LAMA4: variants seen among roughly 807,000 people sequenced by gnomAD.
LAMA4 encodes the protein laminin subunit alpha 4.
Under a neutral mutation model 207.1 loss-of-function variants are expected in LAMA4, and 127 were observed. The observed-to-expected ratio is 0.61, with a 90% CI of 0.53 to 0.71. The LOEUF (loss-of-function observed/expected upper bound fraction) is 0.71. LAMA4 is among the 30% of genes least tolerant of loss of function. The probability of loss-of-function intolerance (pLI) is 0.00; values close to 1 mark genes in which losing one functional copy is unlikely to be tolerated. For synonymous variants in LAMA4, 761 were observed against 816.0 expected (o/e 0.93, Z 1.15); for missense variants, 2,093 against 2,246.5 (o/e 0.93, Z 1.38).
At chr6:112,162,716 G>A (rs782664250) in intron 13 of LAMA4, among the ~76,000 whole-genome samples, 7 of 152,084 alleles carry the variant, frequency 4.6e-5, no homozygotes, top group African/African-American at 7.2e-5. Flanking sequence ...TATTACAGTC[G>A]TACTGAGTTC....
chr6:112,252,336 C>T (rs1554190043), intron 2 of LAMA4, among the ~76,000 whole-genome samples: 1 of 152,154 alleles, frequency 6.6e-6, no homozygotes, highest in African/African-American at 2.4e-5. Context: ...ATTATTTCAC[C>T]AAACATATGA....
intron 2 of LAMA4, among the ~76,000 whole-genome samples, chr6:112,243,830 G>A (rs1340633073): frequency 6.6e-6 from 1 of 152,194 alleles, no homozygotes; most frequent in Non-Finnish European, 1.5e-5. Context: ...GGCCCAGGCA[G>A]GGGGATTGCC....
At chr6:112,209,823 G>T (rs948658485) in intron 3 of LAMA4, among the ~76,000 whole-genome samples, 1 of 152,226 alleles carries the variant, frequency 6.6e-6, no homozygotes, top group Non-Finnish European at 1.5e-5. Context: ...GAGGTGAATG[G>T]TTTGGCTCTG....
intron 2 of LAMA4, among the ~76,000 whole-genome samples, chr6:112,241,139 A>ATATATATATT (rs1554187574): frequency 2.3e-4 from 10 of 43,976 alleles, no homozygotes; most frequent in East Asian, 8.4e-4. Context: ...ATATATAGGA[A>ATATATATATT]TATATATATG....
intron 23 of LAMA4, 133 bp downstream of exon 23, chr6:112,139,618 AG>A (rs1562651075): frequency 2.8e-5 from 29 of 1,046,484 alleles, no homozygotes; most frequent in Non-Finnish European, 4.0e-5. Context: ...AGTTTTTTGC[AG>A]GTATGACTTA....
At chr6:112,249,331 T>C (rs1554189250) in intron 2 of LAMA4, among the ~76,000 whole-genome samples, 1 of 149,438 alleles carries the variant, frequency 6.7e-6, no homozygotes, top group Non-Finnish European at 1.5e-5. Flanking sequence ...TAATCCCAGC[T>C]ACTTGGGAGG....
intron 17 of LAMA4, 73 bp downstream of exon 17, chr6:112,150,438 A>G: frequency 1.1e-6 from 1 of 917,278 alleles, no homozygotes; most frequent in Non-Finnish European, 1.8e-6. Context: ...AGAATTACCT[A>G]ATCCTTCCTT....
chr6:112,153,995 C>T (rs1463061092), intron 16 of LAMA4, among the ~76,000 whole-genome samples: 5 of 152,054 alleles, frequency 3.3e-5, no homozygotes, highest in Admixed American at 6.6e-5. Context: ...TTAATTACTT[C>T]AACAAAATTG....
chr6:112,153,547 G>A (rs1393038577), intron 16 of LAMA4, among the ~76,000 whole-genome samples: 8 of 152,032 alleles, frequency 5.3e-5, no homozygotes, highest in Non-Finnish European at 8.8e-5. Flanking sequence ...TAGAAAAGTT[G>A]CTTTTATGAG....
chr6:112,234,182 C>T (rs1182146530), intron 2 of LAMA4: 3 of 151,650 alleles, frequency 2.0e-5, no homozygotes, highest in Admixed American at 2.0e-4. Flanking sequence ...TTCATTCTGC[C>T]GTTTGATGCA....
chr6:112,191,869 C>T lies in LAMA4; in HGVS notation c.504-19G>A, dbSNP rs375474420. ...AGCACATCTGAAGAGGAATATCACA[C>T]ATTTAAATATTTAGCATCATGGTTT... is the stretch of plus-strand genomic sequence containing the variant. On this transcript the variant is annotated intron_variant, in intron 5 of 38. Transcript: ENST00000230538. The T allele has an allele frequency of 1.9e-6, 3 of 1,544,278 alleles. No individual in the cohort carries two copies. In the African/African-American group the frequency reaches 4.1e-5, roughly 21 times the overall value.
At chr6:112,111,969 C>A (rs1320891283) in intron 38 of LAMA4, among the ~76,000 whole-genome samples, 1 of 151,964 alleles carries the variant, frequency 6.6e-6, no homozygotes, top group Non-Finnish European at 1.5e-5. Flanking sequence ...TAGTGAAGGA[C>A]AAATACTCCA....
intron 21 of LAMA4, 59 bp from the exon 22 acceptor site, chr6:112,140,981 A>T: frequency 6.8e-7 from 1 of 1,465,080 alleles, no homozygotes; most frequent in Non-Finnish European, 9.5e-7. Context: ...TACTTTTTAA[A>T]TGTCAAAATG....
intron 2 of LAMA4, among the ~76,000 whole-genome samples, chr6:112,241,272 A>G (rs1786493884): frequency 6.7e-6 from 1 of 149,244 alleles, no homozygotes; most frequent in Admixed American, 6.7e-5. Context: ...AATCTCAACG[A>G]CTGTTACTCC....
chr6:112,250,011 A>C (rs1787319841), intron 2 of LAMA4, among the ~76,000 whole-genome samples: 1 of 152,192 alleles, frequency 6.6e-6, no homozygotes, highest in Non-Finnish European at 1.5e-5. Flanking sequence ...CTGAGGGCAA[A>C]GATGAGACTA....
rs1554324989 is a variant in LAMA4, at chr6:112,118,808, A to G, written c.4821+348T>C. ...AACTTTTTTTTTCACTCAATAATGTATAATGCAATGATTTGCTTTCTTTTT... is the reference window on the plus strand; with the variant it reads ...AACTTTTTTTTTCACTCAATAATGTGTAATGCAATGATTTGCTTTCTTTTT... On this transcript the variant is annotated intron_variant, in intron 34 of 38. Transcript: ENST00000230538. The surrounding 1 kb of genome is among the most constrained non-coding windows in gnomAD (Gnocchi z 4.6). 1.3e-5 allele frequency among the ~76,000 whole-genome samples: 2 copies of G among 151,926 alleles called. No individual in the cohort carries two copies. The highest frequency in any genetic ancestry group is 4.8e-5 in the African/African-American group (2 of 41,340).
At chr6:112,122,933 T>C (rs1490261322) in intron 31 of LAMA4, among the ~76,000 whole-genome samples, 2 of 152,170 alleles carry the variant, frequency 1.3e-5, no homozygotes, top group East Asian at 1.9e-4. Context: ...AGGAAATCCA[T>C]GATTATACAT....
At chr6:112,141,719 C>T (rs562613568) in intron 20 of LAMA4, among the ~76,000 whole-genome samples, 25 of 152,226 alleles carry the variant, frequency 1.6e-4, no homozygotes, top group Middle Eastern at 3.4e-3. Context: ...TGCTCAGGCT[C>T]GTGGAAATTT....
intron 24 of LAMA4, 48 bp from the exon 25 acceptor site, chr6:112,136,302 A>G: frequency 1.3e-6 from 2 of 1,482,642 alleles, no homozygotes; most frequent in Non-Finnish European, 9.4e-7. Flanking sequence ...TTATGCGAGT[A>G]GAGTCAGATT....
Sources: allele counts gnomAD v4.1 joint callset (sites outside exome capture counted in the v4.1 genomes callset), GRCh38; gene constraint gnomAD v4.1.1; non-coding constraint Gnocchi (gnomAD v3.1); transcripts MANE v1.5; gene names NCBI Gene and HGNC (gene_info 2026-07-23, HGNC 2026-07-21).